Variants in DEK observed in about 807,000 individuals in gnomAD.
DEK encodes the protein protein DEK.
DEK carries 28 observed loss-of-function variants against 46.8 expected under a neutral mutation model. The observed-to-expected ratio is 0.60, with a 90% CI of 0.44 to 0.82. The LOEUF is 0.82. DEK is among the 40% of genes least tolerant of loss of function. DEK has a pLI of 0.00. For synonymous variants in DEK, 160 were observed against 144.5 expected (o/e 1.11, Z -0.77); for missense variants, 416 against 430.6 (o/e 0.97, Z 0.30).
chr6:18,256,185 C>T (rs893059116), intron 5 of DEK, among the ~76,000 whole-genome samples, 176 bp downstream of exon 5: 74 of 152,002 alleles, frequency 4.9e-4, no homozygotes, highest in Non-Finnish European at 9.6e-4. Flanking sequence ...CGGGGTTTCT[C>T]CATGTTGGTC....
chr6:18,241,887 A>G (rs920507271), intron 7 of DEK, among the ~76,000 whole-genome samples: 1 of 152,208 alleles, frequency 6.6e-6, no homozygotes, highest in Non-Finnish European at 1.5e-5. Context: ...TATTGGAGCT[A>G]TATACAGTAA....
rs530604706 is a variant in DEK, at chr6:18,227,535, C to T, written c.1048-1293G>A. ...AACACCCAAGAATGACCAATAAATA[C>T]TAAGGGACCTCAGAAGCCGGCCGGA... On this transcript the variant is annotated intron_variant, in intron 9 of 10. Transcript: ENST00000652689. Among the ~76,000 whole-genome samples, 12 of 152,224 alleles carry T rather than the reference C, an allele frequency of 7.9e-5. No homozygotes were observed. In the South Asian group the frequency reaches 2.1e-3, roughly 26 times the overall value.
intron 4 of DEK, 55 bp downstream of exon 4, chr6:18,257,898 T>C (rs1791669537): frequency 4.6e-6 from 6 of 1,293,652 alleles, no homozygotes; most frequent in Middle Eastern, 1.9e-4. Flanking sequence ...TTTACAGAAA[T>C]TGATTCCATT....
At chr6:18,252,411 A>G (rs551227656) in intron 6 of DEK, among the ~76,000 whole-genome samples, 1 of 141,860 alleles carries the variant, frequency 7.0e-6, no homozygotes, top group Non-Finnish European at 1.5e-5. Flanking sequence ...TGGGTGGCTG[A>G]GGTGAGAGGA....
chr6:18,226,392 A>G, intron 9 of DEK, 150 bp from the exon 10 acceptor site: 1 of 590,946 alleles, frequency 1.7e-6, no homozygotes, highest in Non-Finnish European at 2.6e-6. Flanking sequence ...ATTCTATTCC[A>G]AATGAGTATT....
chr6:18,250,206 G>C (rs1042757344), intron 6 of DEK, among the ~76,000 whole-genome samples: 1 of 152,160 alleles, frequency 6.6e-6, no homozygotes, highest in Non-Finnish European at 1.5e-5. Flanking sequence ...CATTAAAACT[G>C]TCACTGCCAA....
chr6:18,229,877 A>C (rs566135640), intron 9 of DEK, among the ~76,000 whole-genome samples: 40 of 152,300 alleles, frequency 2.6e-4, no homozygotes, highest in African/African-American at 8.2e-4. Flanking sequence ...AATACAGAGA[A>C]CACCACAAAA....
intron 7 of DEK, among the ~76,000 whole-genome samples, chr6:18,238,806 A>T (rs1790777734): frequency 6.6e-6 from 1 of 152,228 alleles, no homozygotes; most frequent in African/African-American, 2.4e-5. Context: ...CCTATTAAAC[A>T]TTCCAAGATA....
At chr6:18,227,032 G>A (rs566994353) in intron 9 of DEK, among the ~76,000 whole-genome samples, 40 of 152,278 alleles carry the variant, frequency 2.6e-4, no homozygotes, top group East Asian at 1.5e-3. Context: ...CACAAACACC[G>A]CGGAAGGCTG....
intron 7 of DEK, among the ~76,000 whole-genome samples, chr6:18,239,663 A>G (rs1242264807): frequency 6.6e-6 from 1 of 152,130 alleles, no homozygotes; most frequent in Non-Finnish European, 1.5e-5. Context: ...TGAATTTCCC[A>G]TGGACTTTTG....
chr6:18,232,216 A>T (rs1790443551), intron 9 of DEK, among the ~76,000 whole-genome samples: 1 of 152,228 alleles, frequency 6.6e-6, no homozygotes, highest in African/African-American at 2.4e-5. Context: ...GACGTATCTC[A>T]AAATAATAAA....
At chr6:18,254,856 A>G (rs1182180795) in intron 6 of DEK, among the ~76,000 whole-genome samples, 2 of 152,236 alleles carry the variant, frequency 1.3e-5, no homozygotes, top group African/African-American at 4.8e-5. Context: ...GTAGTTGTAT[A>G]ACAAAAGTTT....
At chr6:18,256,937 G>A (rs772582139) in intron 4 of DEK, among the ~76,000 whole-genome samples, 1 of 152,078 alleles carries the variant, frequency 6.6e-6, no homozygotes, top group South Asian at 2.1e-4. Context: ...AATTAAATTG[G>A]TTTAAGGATT....
At chr6:18,243,833 C>G (rs548886031) in intron 7 of DEK, among the ~76,000 whole-genome samples, 6 of 152,182 alleles carry the variant, frequency 3.9e-5, no homozygotes, top group Admixed American at 2.6e-4. Flanking sequence ...GAGCAAGAAC[C>G]TCTCTCTACA....
intron 7 of DEK, among the ~76,000 whole-genome samples, chr6:18,239,956 G>A (rs1426272163): frequency 6.6e-6 from 1 of 152,114 alleles, no homozygotes; most frequent in Admixed American, 6.6e-5. Flanking sequence ...GGACTTGCAG[G>A]TACAAGAAAG....
chr6:18,258,068 G>GAAA lies in DEK; in HGVS notation c.248-9_248-7dup. On this transcript the variant is annotated splice_region_variant and splice_polypyrimidine_tract_variant and intron_variant, in intron 3 of 10. Transcript: ENST00000652689. Reference sequence around the variant, plus strand: ...ACAAAGTTTCTGCCCCTTTCCTGGGGAAAAAAAAAAATCACAATTAAATAC... The same window carrying GAAA: ...ACAAAGTTTCTGCCCCTTTCCTGGGGAAAAAAAAAAAAAATCACAATTAAATAC... 1.6e-6 allele frequency: 2 copies of GAAA among 1,269,600 alleles called. No homozygotes were observed. Among genetic ancestry groups the GAAA allele is most frequent in the Non-Finnish European group, 2.1e-6 (2 of 943,558 alleles). 78.6% of individuals were successfully genotyped at this position (1,269,600 alleles called of 1,614,324 possible). A position where few individuals can be genotyped will look rare whatever the true frequency, so the allele number is the denominator to read the frequency against.
intron 7 of DEK, among the ~76,000 whole-genome samples, chr6:18,243,038 G>C (rs1013779814): frequency 6.6e-6 from 1 of 152,124 alleles, no homozygotes; most frequent in Non-Finnish European, 1.5e-5. Flanking sequence ...AATCGGGCTT[G>C]GCATGATCTG....
intron 9 of DEK, among the ~76,000 whole-genome samples, chr6:18,234,436 A>G (rs1180437102): frequency 3.3e-5 from 5 of 152,192 alleles, no homozygotes; most frequent in South Asian, 2.1e-4. Flanking sequence ...TCTATGGTTA[A>G]GCCCAGACTA....
chr6:18,229,786 C>T (rs909111092), intron 9 of DEK, among the ~76,000 whole-genome samples: 4 of 152,174 alleles, frequency 2.6e-5, no homozygotes, highest in African/African-American at 9.7e-5. Context: ...AGAATGGAAC[C>T]AAGTTGGAAA....
Sources: gnomAD v4.1 joint callset for allele counts (sites outside exome capture counted in the v4.1 genomes callset) on GRCh38, gnomAD v4.1.1 for gene constraint, MANE v1.5 for transcripts, NCBI Gene and HGNC (gene_info 2026-07-23, HGNC 2026-07-21) for gene names.